CX3CR1: variants seen among roughly 807,000 people sequenced by gnomAD.
CX3CR1 encodes C-X3-C motif chemokine receptor 1.
For synonymous variants in CX3CR1, 168 were observed against 178.5 expected, an observed-to-expected ratio of 0.94 and a Z score of 0.47; for missense variants, 363 against 432.4, an observed-to-expected ratio of 0.84 and a Z score of 1.42.
At chr3:39,281,698 T>C, upstream of CX3CR1, 1 of 1,597,142 alleles carries the variant, frequency 6.3e-7, no homozygotes. Flanking sequence ...TCTCTCATCC[T>C]GGTTTAAGTC....
At chr3:39,283,798 TATATATATATATATATA>T (rs2040925955), upstream of CX3CR1, among the ~76,000 whole-genome samples, 6 of 28,750 alleles carry the variant, frequency 2.1e-4, no homozygotes, top group African/African-American at 5.8e-4. Context: ...AAAAAAATTA[TATATATATATATATATA>T]TATATATATA....
rs902336777 is a variant in CX3CR1 at position 39,263,750 on chromosome 3, G to A, written c.*1692C>T. The A allele has an allele frequency of 6.6e-6, 1 of 152,200 alleles. No homozygotes were observed. The highest frequency in any genetic ancestry group is 6.5e-5 in the Admixed American group (1 of 15,288). 9.4% of individuals were successfully genotyped at this position (152,200 alleles called of 1,614,324 possible). A position where few individuals can be genotyped will look rare whatever the true frequency, so the allele number is the denominator to read the frequency against. On this transcript the variant is annotated 3_prime_UTR_variant, in exon 2 of 2. Coordinates refer to ENST00000399220, the MANE Select transcript of CX3CR1 (RefSeq NM_001337.4). ...AATTACCAAACTACATAGAAAGCGA[G>A]CACTATTTGTGGTCTAACGTTAAGA...
upstream of CX3CR1, chr3:39,281,787 T>A: frequency 1.0e-6 from 1 of 965,154 alleles, no homozygotes; most frequent in Non-Finnish European, 1.6e-6. Flanking sequence ...AACATGCCTG[T>A]GCCCGTGGCA....
At chr3:39,276,088 G>A (rs1313307429) in intron 1 of CX3CR1, among the ~76,000 whole-genome samples, 1 of 152,188 alleles carries the variant, frequency 6.6e-6, no homozygotes, top group Non-Finnish European at 1.5e-5. Context: ...CCAGGCAGAG[G>A]GAAATAGGAA....
rs916819355 is a variant in CX3CR1, at chr3:39,264,910, A to G, written c.*532T>C. 6.5e-6 allele frequency: 1 copy of G among 152,724 alleles called. No homozygotes were observed. Among genetic ancestry groups the G allele is most frequent in the Non-Finnish European group, 1.5e-5 (1 of 68,458 alleles). 9.5% of individuals were successfully genotyped at this position (152,724 alleles called of 1,614,324 possible). A position where few individuals can be genotyped will look rare whatever the true frequency, so the allele number is the denominator to read the frequency against. On this transcript the variant is annotated 3_prime_UTR_variant, in exon 2 of 2. Transcript: ENST00000399220. ...AGCACCTTCCAGGGATGGGCACCTGATACAAACTTGGCCTATCAGAGCACT... is the reference window on the plus strand; with the variant it reads ...AGCACCTTCCAGGGATGGGCACCTGGTACAAACTTGGCCTATCAGAGCACT...
At chr3:39,271,040 G>A (rs766177908) in intron 1 of CX3CR1, among the ~76,000 whole-genome samples, 31 of 152,242 alleles carry the variant, frequency 2.0e-4, no homozygotes, top group African/African-American at 1.4e-4. Flanking sequence ...AGATGTGTTC[G>A]GCCTCAGCAC....
chr3:39,281,512 G>A, upstream of CX3CR1: 2 of 1,084,310 alleles, frequency 1.8e-6, no homozygotes, highest in Admixed American at 2.0e-5. Context: ...TCCCCTCCGT[G>A]TTCATGAGCA....
chr3:39,284,882 G>A (rs1559372245), upstream of CX3CR1, among the ~76,000 whole-genome samples: 1 of 152,132 alleles, frequency 6.6e-6, no homozygotes, highest in East Asian at 1.9e-4. Flanking sequence ...TCTCGCTACA[G>A]GAAAATGCAT....
At chr3:39,283,840 T>TATATAA (rs1195261746), upstream of CX3CR1, among the ~76,000 whole-genome samples, 42 of 115,284 alleles carry the variant, frequency 3.6e-4, no homozygotes, top group African/African-American at 1.3e-3. Context: ...TATATATATA[T>TATATAA]AATGTGGTTA....
At chr3:39,281,686 G>A (rs147724093), upstream of CX3CR1, 8 of 1,598,386 alleles carry the variant, frequency 5.0e-6, no homozygotes, top group Non-Finnish European at 6.8e-6. Flanking sequence ...GCCTCCAGGG[G>A]TTCTCTCATC....
At chr3:39,281,448 C>T (rs116358410), upstream of CX3CR1, among the ~76,000 whole-genome samples, 4 of 152,230 alleles carry the variant, frequency 2.6e-5, no homozygotes, top group Non-Finnish European at 4.4e-5. Flanking sequence ...AAGACTCTCC[C>T]TCTCTTCCTG....
At chr3:39,290,593 C>T in the CX3CR1 span, among the ~76,000 whole-genome samples, 2 of 152,188 alleles carry the variant, frequency 1.3e-5, no homozygotes, top group Admixed American at 6.5e-5. Context: ...AATAAACTGC[C>T]TTCCTTTTGT....
chr3:39,282,067 C>T (rs2040907913), upstream of CX3CR1, among the ~76,000 whole-genome samples: 1 of 152,192 alleles, frequency 6.6e-6, no homozygotes, highest in African/African-American at 2.4e-5. Context: ...TTATAGCAAG[C>T]AGTAAGCAAG....
chr3:39,282,480 A>T (rs1254500544), upstream of CX3CR1, among the ~76,000 whole-genome samples: 1 of 152,166 alleles, frequency 6.6e-6, no homozygotes, highest in Non-Finnish European at 1.5e-5. Context: ...AATGCAGAGG[A>T]CAGTTTGGTT....
chr3:39,265,517 C>T lies in CX3CR1; in HGVS notation c.993G>A (p.Arg331=), dbSNP rs755482177. ...HVDFSSSESQ[R]SRHGSVLSSN... is the part of the protein sequence containing the mutation. ...TGCTCAGAACACTTCCATGCCTGCT[C>T]CTTTGTGATTCAGATGAGGAGAAAT... Residue 331 remains arginine (R), a synonymous_variant, in exon 2 of 2, where the codon AGG becomes AGA. Transcript: ENST00000399220. The T allele has an allele frequency of 5.0e-6, 8 of 1,614,092 alleles. No individual in the cohort carries two copies. Among genetic ancestry groups the T allele is most frequent in the Admixed American group, 1.7e-5 (1 of 60,004 alleles).
chr3:39,265,856 C>T lies in CX3CR1; in HGVS notation c.654G>A (p.Leu218=). 6.2e-7 allele frequency: 1 copy of T among 1,614,234 alleles called. No homozygotes were observed. The highest frequency in any genetic ancestry group is 8.5e-7 in the Non-Finnish European group (1 of 1,180,044). Residue 218 remains leucine, a synonymous_variant, in exon 2 of 2, where the codon CTG becomes CTA. Transcript: ENST00000399220. ...SYCYFRIIQT[L]FSCKNHKKAK... ...CTTTCTTGTGGTTCTTGCAGGAAAA[C>T]AGCGTCTGGATGATTCTGAAGTAGC...
At chr3:39,291,432 C>G in the CX3CR1 span, among the ~76,000 whole-genome samples, 2 of 151,928 alleles carry the variant, frequency 1.3e-5, no homozygotes, top group Non-Finnish European at 2.9e-5. Flanking sequence ...ATACATGTGA[C>G]CATACGCTCC....
At chr3:39,279,785 G>A (rs2040875245) in intron 1 of CX3CR1, among the ~76,000 whole-genome samples, 169 bp downstream of exon 1, 1 of 152,132 alleles carries the variant, frequency 6.6e-6, no homozygotes, top group Admixed American at 6.5e-5. Context: ...TAAATGATCT[G>A]ATCACCCCTT....
chr3:39,283,563 C>T (rs960470541), upstream of CX3CR1, among the ~76,000 whole-genome samples: 4 of 151,472 alleles, frequency 2.6e-5, no homozygotes, highest in Admixed American at 6.6e-5. Context: ...GGGTGGATCA[C>T]GAGATCAGGG....
Sources: allele counts gnomAD v4.1 joint callset (sites outside exome capture counted in the v4.1 genomes callset), GRCh38; gene constraint gnomAD v4.1.1; transcripts MANE v1.5; gene names NCBI Gene and HGNC (gene_info 2026-07-23, HGNC 2026-07-21).